RAB11FIP3: variants seen among roughly 807,000 people sequenced by gnomAD.
RAB11FIP3 encodes the protein RAB11 family interacting protein 3, also known as rab11 family-interacting protein 3.
In RAB11FIP3, 17 loss-of-function variants were observed where a neutral mutation model predicts 77.8. The observed-to-expected ratio is 0.22, with a 90% confidence interval of 0.15 to 0.33. RAB11FIP3 has a LOEUF of 0.33. RAB11FIP3 is among the 10% of genes least tolerant of loss of function. The pLI, the probability that RAB11FIP3 is intolerant of heterozygous loss-of-function variation, is 1.00. For synonymous variants in RAB11FIP3, 437 were observed against 448.2 expected, an observed-to-expected ratio of 0.98 and a Z score of 0.31; for missense variants, 1,005 against 1,011.2, an observed-to-expected ratio of 0.99 and a Z score of 0.08.
intron 3 of RAB11FIP3, among the ~76,000 whole-genome samples, chr16:473,849 C>T (rs879865569): frequency 1.3e-5 from 2 of 152,094 alleles, no homozygotes; most frequent in African/African-American, 2.4e-5. Flanking sequence ...GATTCAGTGC[C>T]GGCTCATCCC....
intron 1 of RAB11FIP3, among the ~76,000 whole-genome samples, chr16:448,373 G>GT (rs1824462665): frequency 6.6e-6 from 1 of 151,972 alleles, no homozygotes; most frequent in African/African-American, 2.4e-5. Context: ...GGAGGCCGAG[G>GT]TGGGCAGATC....
chr16:446,112 A>C (rs551110907), intron 1 of RAB11FIP3, among the ~76,000 whole-genome samples: 1 of 152,022 alleles, frequency 6.6e-6, no homozygotes, highest in African/African-American at 2.4e-5. Context: ...GGTGCTGGGC[A>C]TGGGGGTGCG....
intron 1 of RAB11FIP3, among the ~76,000 whole-genome samples, chr16:460,068 G>T (rs1457562300): frequency 6.6e-6 from 1 of 151,754 alleles, no homozygotes; most frequent in Non-Finnish European, 1.5e-5. Flanking sequence ...GTAGAGATGG[G>T]GTTTCTCCAC....
At chr16:497,076 C>A in intron 6 of RAB11FIP3, 1 of 567,184 alleles carries the variant, frequency 1.8e-6, no homozygotes, top group Non-Finnish European at 2.9e-6. Flanking sequence ...AGGGAGGGTA[C>A]GTGTCAGAGC....
chr16:429,753 C>T (rs1285152565), intron 1 of RAB11FIP3, among the ~76,000 whole-genome samples: 1 of 152,136 alleles, frequency 6.6e-6, no homozygotes, highest in African/African-American at 2.4e-5. Context: ...CCGCCTCGGC[C>T]TCCCAAAGTG....
In RAB11FIP3 at chr16:471,152, C is replaced by T; in HGVS notation, c.809-143C>T. On this transcript the variant is annotated intron_variant, in intron 2 of 13. Transcript: ENST00000262305. The surrounding 1 kb of genome is among the most constrained non-coding windows in gnomAD (Gnocchi z 4.4). ...TGGATTTCTCATGCTCACTCCCTTG[C>T]TTGTCTTGACCCCCCCCAGGGCCCC... 2 of 658,938 alleles carry T rather than the reference C, an allele frequency of 3.0e-6. No individual in the cohort carries two copies. The highest frequency in any genetic ancestry group is 5.4e-6 in the Non-Finnish European group (2 of 371,176). 40.8% of individuals were successfully genotyped at this position (658,938 alleles called of 1,614,324 possible).
chr16:470,575 C>T (rs1271991366), intron 2 of RAB11FIP3, among the ~76,000 whole-genome samples: 1 of 152,226 alleles, frequency 6.6e-6, no homozygotes, highest in Non-Finnish European at 1.5e-5. Context: ...ACCTAAGTGT[C>T]TTCTGTCACT....
intron 5 of RAB11FIP3, chr16:491,053 T>A: frequency 8.4e-7 from 1 of 1,192,388 alleles, no homozygotes; most frequent in Non-Finnish European, 1.1e-6. Context: ...CCTGTCCTGT[T>A]CCCCTCGGCC....
intron 6 of RAB11FIP3, 57 bp downstream of exon 6, chr16:496,916 G>C: frequency 6.9e-7 from 1 of 1,459,370 alleles, no homozygotes; most frequent in Non-Finnish European, 9.4e-7. Context: ...ATTAATCATA[G>C]TTTTTTAAAA....
chr16:512,360 C>A (rs1239457601), intron 9 of RAB11FIP3, among the ~76,000 whole-genome samples: 2 of 151,776 alleles, frequency 1.3e-5, no homozygotes, highest in Non-Finnish European at 2.9e-5. Flanking sequence ...CCCGCCTCAG[C>A]CTCCCGAGTA....
rs1171805277 is a variant in RAB11FIP3, at chr16:522,270, A to ATATATATG, written c.*1434_*1435insATATGTAT. 4 of 146,618 alleles carry ATATATATG rather than the reference A, an allele frequency of 2.7e-5. No homozygotes were observed. Among genetic ancestry groups the ATATATATG allele is most frequent in the African/African-American group, 1.0e-4 (4 of 39,778 alleles). 9.1% of individuals were successfully genotyped at this position (146,618 alleles called of 1,614,324 possible). ...AATATATATATATATATATATATAT[A>ATATATATG]TATGTATAATATATAAAGACTGGCA... On this transcript the variant is annotated 3_prime_UTR_variant, in exon 14 of 14. Coordinates refer to ENST00000262305, the MANE Select transcript of RAB11FIP3 (RefSeq NM_014700.4).
Position 514,153 on chromosome 16 carries a change from C to T in RAB11FIP3, c.1640+3353C>T, listed in dbSNP as rs981510959. Among the ~76,000 whole-genome samples, 5 of 152,202 alleles carry T rather than the reference C, an allele frequency of 3.3e-5. No individual in the cohort carries two copies. Among genetic ancestry groups the T allele is most frequent in the Middle Eastern group, 3.2e-3 (1 of 316 alleles). On this transcript the variant is annotated intron_variant, in intron 9 of 13. Coordinates refer to ENST00000262305, the MANE Select transcript of RAB11FIP3 (RefSeq NM_014700.4). The surrounding 1 kb of genome is among the most constrained non-coding windows in gnomAD (Gnocchi z 4.6). ...CCTAAGCGCTTGGGGTCAGTGCCAC[C>T]GTGTTCTGGGCCTCCTGCAGCTTCC...
In RAB11FIP3 at chr16:520,293, C is replaced by G; in HGVS notation, c.2016+16C>G. ...GCTGAAGCAGGTGGGCAGGCCTGGG[C>G]CTCCCTCCCTCACACTCCTGCAGAA... On this transcript the variant is annotated intron_variant, in intron 12 of 13. Coordinates refer to ENST00000262305, the MANE Select transcript of RAB11FIP3 (RefSeq NM_014700.4). 2 of 1,544,158 alleles carry G rather than the reference C, an allele frequency of 1.3e-6. No homozygotes were observed. Among genetic ancestry groups the G allele is most frequent in the East Asian group, 4.8e-5 (2 of 41,636 alleles).
intron 5 of RAB11FIP3, among the ~76,000 whole-genome samples, chr16:490,117 G>A (rs1596266547): frequency 6.6e-6 from 1 of 152,224 alleles, no homozygotes; most frequent in East Asian, 1.9e-4. Context: ...TGTTTTCATT[G>A]TTACCTGTTT....
intron 3 of RAB11FIP3, among the ~76,000 whole-genome samples, chr16:476,378 C>G (rs956217543): frequency 2.0e-5 from 3 of 152,324 alleles, no homozygotes; most frequent in Middle Eastern, 3.4e-3. Flanking sequence ...CTTTTGCCTG[C>G]AGGGGCACCA....
chr16:502,117 T>C (rs1340413036), intron 6 of RAB11FIP3, among the ~76,000 whole-genome samples: 1 of 152,280 alleles, frequency 6.6e-6, no homozygotes, highest in Non-Finnish European at 1.5e-5. Flanking sequence ...TATAAAGAAC[T>C]GAACACGCAC....
At position 426,119 on chromosome 16, in the gene RAB11FIP3, A is replaced by C; in HGVS notation, c.113A>C (p.Glu38Ala). ...GAAQLAPGPA[E>A]LRLGAPVGGP... ...GCACAACTGGCTCCGGGCCCTGCGG[A>C]GCTACGCCTCGGAGCGCCCGTCGGC... Residue 38 changes from glutamate to alanine, a missense_variant, in exon 1 of 14, where the codon GAG becomes GCG. Glu to Ala is a moderately radical substitution (Grantham distance 107, BLOSUM62 -1). Transcript: ENST00000262305. This position sits in a 1 kb window ranked among gnomAD's most constrained non-coding sequence, Gnocchi z 5.0. 9.9e-7 allele frequency: 1 copy of C among 1,006,858 alleles called. No individual in the cohort carries two copies. The highest frequency in any genetic ancestry group is 1.8e-5 in the African/African-American group (1 of 56,794). 62.4% of individuals were successfully genotyped at this position (1,006,858 alleles called of 1,614,324 possible).
At position 503,517 on chromosome 16, in the gene RAB11FIP3, G is replaced by A. The variant is rs144500211; in HGVS notation, c.1395+420G>A. Among the ~76,000 whole-genome samples, 855 of 152,212 alleles carry A rather than the reference G, an allele frequency of 5.6e-3. 10 individuals are homozygous for A. The highest frequency in any genetic ancestry group is 0.01 in the Middle Eastern group (3 of 294). Reference sequence around the variant, plus strand: ...CTGCAGAGCCAACAGCCTGAGGAACGGGCTTCTCCTGGGGCCTTGAATGGA... The same window carrying A: ...CTGCAGAGCCAACAGCCTGAGGAACAGGCTTCTCCTGGGGCCTTGAATGGA... On this transcript the variant is annotated intron_variant, in intron 7 of 13. Transcript: ENST00000262305.
At chr16:446,612 C>T (rs1358630450) in intron 1 of RAB11FIP3, among the ~76,000 whole-genome samples, 1 of 152,240 alleles carries the variant, frequency 6.6e-6, no homozygotes, top group Non-Finnish European at 1.5e-5. Flanking sequence ...ATGTGTCCTA[C>T]AGAGACATGT....
Sources: allele counts gnomAD v4.1 joint callset (sites outside exome capture counted in the v4.1 genomes callset), GRCh38; gene constraint gnomAD v4.1.1; non-coding constraint Gnocchi (gnomAD v3.1); transcripts MANE v1.5; gene names NCBI Gene and HGNC (gene_info 2026-07-23, HGNC 2026-07-21).